DNAH9: variants seen among roughly 807,000 people sequenced by gnomAD.
DNAH9 encodes the protein DNAH9 variant protein.
Under a neutral mutation model 471.6 loss-of-function variants are expected in DNAH9, and 345 were observed. That is an observed-to-expected ratio of 0.73 (90% CI 0.67 to 0.80). The LOEUF is 0.80. Ranked by LOEUF, DNAH9 falls within the 30% of genes least tolerant of loss-of-function variation. The probability of loss-of-function intolerance (pLI) is 0.00; values close to 1 mark genes in which losing one functional copy is unlikely to be tolerated. For synonymous variants in DNAH9, 2,093 were observed against 2,123.6 expected, an observed-to-expected ratio of 0.99 and a Z score of 0.40; for missense variants, 5,407 against 5,609.2, an observed-to-expected ratio of 0.96 and a Z score of 1.15.
rs1970789652 is a variant in DNAH9, at chr17:11,834,731, G to A, written c.9340G>A (p.Glu3114Lys). The A allele has an allele frequency of 6.2e-7, 1 of 1,614,104 alleles. No individual in the cohort carries two copies. The highest frequency in any genetic ancestry group is 1.3e-5 in the African/African-American group (1 of 75,048). ...CAAACTGATTCAGGTCGTGGGTGTG[G>A]AGACTGACAAAGTGAGCAGAGAGAA... ...ADKLIQVVGV[E>K]TDKVSREKAM... The change falls in exon 49 of 69, where the codon GAG becomes AAG. Residue 3114 changes from glutamate to lysine, a missense_variant. Coordinates refer to ENST00000262442, the MANE Select transcript of DNAH9 (RefSeq NM_001372.4).
intron 45 of DNAH9, among the ~76,000 whole-genome samples, chr17:11,815,145 G>A (rs996506779): frequency 5.9e-5 from 9 of 151,614 alleles, no homozygotes; most frequent in South Asian, 2.1e-4. Flanking sequence ...AAAGAGCAAT[G>A]CAAAAAGAAG....
chr17:11,878,365 T>G (rs905860194), intron 53 of DNAH9, among the ~76,000 whole-genome samples: 3 of 152,192 alleles, frequency 2.0e-5, no homozygotes, highest in African/African-American at 7.2e-5. Flanking sequence ...GAATGAAAAT[T>G]TGTTCGTCTC....
rs775929684 is a variant in DNAH9, at chr17:11,669,701, T to G, written c.3260T>G (p.Ile1087Ser). Residue 1087 changes from isoleucine to serine, a missense_variant, in exon 17 of 69, where the codon ATT becomes AGT. By Grantham distance (142) the Ile-to-Ser change is moderately radical. Coordinates refer to ENST00000262442, the MANE Select transcript of DNAH9 (RefSeq NM_001372.4). Reference protein sequence around the residue: ...PIKVFDGWMKIDIRPFKASLL... With the variant: ...PIKVFDGWMKSDIRPFKASLL... ...AAGGTGTTTGACGGCTGGATGAAAA[T>G]TGATATTCGACCCTTTAAGGCATCT... 1.9e-6 allele frequency: 3 copies of G among 1,613,956 alleles called. No individual in the cohort carries two copies. In the African/African-American group the frequency reaches 4.0e-5, roughly 22 times the overall value.
At chr17:11,717,348 C>A in intron 26 of DNAH9, among the ~76,000 whole-genome samples, 1 of 149,674 alleles carries the variant, frequency 6.7e-6, no homozygotes, top group Non-Finnish European at 1.5e-5. Flanking sequence ...GCCTGAGCAA[C>A]ATAGTGAGAC....
chr17:11,673,589 G>A (rs1376712652), intron 17 of DNAH9, among the ~76,000 whole-genome samples: 1 of 138,362 alleles, frequency 7.2e-6, no homozygotes, highest in Non-Finnish European at 1.5e-5. Flanking sequence ...CTCAAAAGAT[G>A]TGTTTATATT....
At chr17:11,917,950 A>G (rs1974008934) in intron 61 of DNAH9, among the ~76,000 whole-genome samples, 1 of 152,120 alleles carries the variant, frequency 6.6e-6, no homozygotes, top group African/African-American at 2.4e-5. Context: ...TTCTTTGCCC[A>G]ATTACCTGGC....
At chr17:11,766,789 C>T (rs2150874092) in intron 36 of DNAH9, among the ~76,000 whole-genome samples, 1 of 152,086 alleles carries the variant, frequency 6.6e-6, no homozygotes, top group Non-Finnish European at 1.5e-5. Context: ...ATGGTGAAAC[C>T]CCATCTCTAC....
At chr17:11,856,749 A>G (rs955125895) in intron 50 of DNAH9, among the ~76,000 whole-genome samples, 9 of 151,950 alleles carry the variant, frequency 5.9e-5, no homozygotes, top group African/African-American at 2.2e-4. Flanking sequence ...ACCTCCTCTC[A>G]ATATGCTTGT....
chr17:11,931,908 T>C, intron 63 of DNAH9, 106 bp from the exon 64 acceptor site: 2 of 1,324,944 alleles, frequency 1.5e-6, no homozygotes, highest in African/African-American at 1.5e-5. Flanking sequence ...CAAACCAGAA[T>C]ATATGGTAAT....
chr17:11,749,797 A>G (rs1050832083), intron 32 of DNAH9, among the ~76,000 whole-genome samples: 2 of 152,104 alleles, frequency 1.3e-5, no homozygotes, highest in African/African-American at 4.8e-5. Context: ...GTATATTGAG[A>G]TCTGATTCTG....
chr17:11,836,497 T>C (rs1356845223), intron 49 of DNAH9, among the ~76,000 whole-genome samples: 1 of 152,138 alleles, frequency 6.6e-6, no homozygotes, highest in African/African-American at 2.4e-5. Context: ...CATTAGGAAT[T>C]TGTTATATCA....
chr17:11,776,809 A>G lies in DNAH9; in HGVS notation c.7553-4200A>G, dbSNP rs118144392. ...CAGTCATTGAAAAAGTCAGCCTTCA[A>G]TTGACTACTGGGTAGTCATGCACAA... On this transcript the variant is annotated intron_variant, in intron 38 of 68. Transcript: ENST00000262442. Among the ~76,000 whole-genome samples the G allele has an allele frequency of 7.6e-4, 115 of 152,304 alleles. 3 individuals carry two copies. In the East Asian group the frequency reaches 0.02, roughly 27 times the overall value.
chr17:11,844,721 A>G (rs1451562144), intron 49 of DNAH9, among the ~76,000 whole-genome samples: 1 of 152,060 alleles, frequency 6.6e-6, no homozygotes, highest in Admixed American at 6.6e-5. Context: ...ATCTTTTTTT[A>G]TCATTTAACT....
intron 45 of DNAH9, among the ~76,000 whole-genome samples, chr17:11,819,165 A>C (rs1970217442): frequency 6.6e-6 from 1 of 152,104 alleles, no homozygotes; most frequent in Non-Finnish European, 1.5e-5. Context: ...CCCAGACAAA[A>C]TTCTCAAAAG....
chr17:11,968,937 G>A (rs1288302892), intron 68 of DNAH9, among the ~76,000 whole-genome samples: 1 of 152,176 alleles, frequency 6.6e-6, no homozygotes, highest in African/African-American at 2.4e-5. Context: ...CTGTGTCTTA[G>A]TCATTTTTAA....
At chr17:11,871,851 G>C (rs1972277716) in intron 52 of DNAH9, 65 bp downstream of exon 52, 2 of 1,543,618 alleles carry the variant, frequency 1.3e-6, no homozygotes, top group South Asian at 2.3e-5. Flanking sequence ...AGACATCACG[G>C]TCATAATTCG....
At chr17:11,728,089 C>G (rs1335867415) in intron 28 of DNAH9, 167 bp downstream of exon 28, 1 of 597,280 alleles carries the variant, frequency 1.7e-6, no homozygotes, top group Non-Finnish European at 3.0e-6. Context: ...AAGCTGTCCT[C>G]CAAAATGGGT....
At chr17:11,751,588 T>C (rs1199236318) in intron 32 of DNAH9, among the ~76,000 whole-genome samples, 2 of 151,998 alleles carry the variant, frequency 1.3e-5, no homozygotes, top group African/African-American at 2.4e-5. Context: ...ACCCCTAAAA[T>C]ATAATAAATG....
chr17:11,754,901 G>A (rs536056907), intron 33 of DNAH9, among the ~76,000 whole-genome samples: 161 of 152,152 alleles, frequency 1.1e-3, no homozygotes, highest in Middle Eastern at 3.4e-3. Context: ...AAATCTTTGC[G>A]CATTCTTATG....
Sources: allele counts gnomAD v4.1 joint callset (sites outside exome capture counted in the v4.1 genomes callset), GRCh38; gene constraint gnomAD v4.1.1; transcripts MANE v1.5; gene names NCBI Gene and HGNC (gene_info 2026-07-23, HGNC 2026-07-21).